Variants in RILPL1 observed in about 807,000 individuals in gnomAD.
RILPL1 encodes the protein RILP-like protein 1.
Under a neutral mutation model 50.3 loss-of-function variants are expected in RILPL1, and 33 were observed. That is an observed-to-expected ratio of 0.66 (90% confidence interval 0.50 to 0.88). The LOEUF is 0.88. Ranked by LOEUF, RILPL1 falls within the 40% of genes least tolerant of loss-of-function variation. The probability of loss-of-function intolerance (pLI) is 0.00; values close to 1 mark genes in which losing one functional copy is unlikely to be tolerated. For missense variants in RILPL1, 418 were observed against 542.5 expected, an observed-to-expected ratio of 0.77 and a Z score of 2.28; for synonymous variants, 205 against 228.6, an observed-to-expected ratio of 0.90 and a Z score of 0.93.
chr12:123,509,302 G>C (rs1241260584), intron 2 of RILPL1, among the ~76,000 whole-genome samples: 1 of 152,184 alleles, frequency 6.6e-6, no homozygotes, highest in South Asian at 2.1e-4. Flanking sequence ...GGTGGCTCAC[G>C]CCTACAACGC....
intron 2 of RILPL1, among the ~76,000 whole-genome samples, chr12:123,509,044 T>C (rs537477076): frequency 3.9e-5 from 6 of 151,932 alleles, no homozygotes; most frequent in Admixed American, 3.9e-4. Context: ...AAAAATGAGC[T>C]GGAAATCGCT....
intron 2 of RILPL1, among the ~76,000 whole-genome samples, chr12:123,502,075 C>T (rs1252279158): frequency 3.9e-5 from 5 of 127,246 alleles, no homozygotes; most frequent in Non-Finnish European, 6.4e-5. Flanking sequence ...AGTGAAACTT[C>T]GTCTCAAAAA....
Position 123,533,107 on chromosome 12 carries a change from A to G in RILPL1, c.309+67T>C, listed in dbSNP as rs1885498664. ...ACACGTGCGCACCCACAGCTGCCCAATGCGGAAGAGCCCTTGGGTCCCCGC... is the reference window on the plus strand; with the variant it reads ...ACACGTGCGCACCCACAGCTGCCCAGTGCGGAAGAGCCCTTGGGTCCCCGC... On this transcript the variant is annotated intron_variant, in intron 1 of 6. Transcript: ENST00000376874. This position sits in a 1 kb window ranked among gnomAD's most constrained non-coding sequence, Gnocchi z 6.2. 4.2e-6 allele frequency: 6 copies of G among 1,432,188 alleles called. No individual in the cohort carries two copies. The highest frequency in any genetic ancestry group is 5.6e-6 in the Non-Finnish European group (6 of 1,074,714). The allele number at this position is 1,432,188 out of a possible 1,614,324, so 88.7% of individuals were successfully genotyped here.
At chr12:123,472,935 G>T (rs916989258) in intron 6 of RILPL1, 2 of 440,518 alleles carry the variant, frequency 4.5e-6, no homozygotes, top group Non-Finnish European at 8.4e-6. Flanking sequence ...TGATGTGTGA[G>T]GTGTCTTCCA....
At chr12:123,505,892 C>T (rs1298008300) in intron 2 of RILPL1, among the ~76,000 whole-genome samples, 1 of 152,182 alleles carries the variant, frequency 6.6e-6, no homozygotes, top group African/African-American at 2.4e-5. Context: ...CCCGAAGGGC[C>T]CTGATGGCAG....
intron 4 of RILPL1, among the ~76,000 whole-genome samples, chr12:123,492,072 A>G (rs1320658887): frequency 1.3e-5 from 2 of 151,990 alleles, no homozygotes; most frequent in Non-Finnish European, 2.9e-5. Context: ...TCAGGAGTTC[A>G]AGACCAGCCT....
rs1883158466 is a variant in RILPL1, at chr12:123,498,261, G to C, written c.801+283C>G. 6.6e-6 allele frequency among the ~76,000 whole-genome samples: 1 copy of C among 151,532 alleles called. No homozygotes were observed. Among genetic ancestry groups the C allele is most frequent in the Non-Finnish European group, 1.5e-5 (1 of 67,930 alleles). On this transcript the variant is annotated intron_variant, in intron 4 of 6. Transcript: ENST00000376874. This position sits in a 1 kb window ranked among gnomAD's most constrained non-coding sequence, Gnocchi z 4.3. The stretch of plus-strand genomic sequence containing the variant: ...AGACAGGTCTGGCTCTGTTACCCAG[G>C]CTGCAGCGCAGTTGTGCAATCATGG...
rs755540421 is a variant in RILPL1 at position 123,523,694 on chromosome 12, C to G, written c.310-49G>C. 1.5e-5 allele frequency: 23 copies of G among 1,581,712 alleles called. No individual in the cohort carries two copies. The Admixed American group carries it at 3.6e-4, about 25-fold the overall frequency. ...GGGGTCACTGCCTGCCCAGAGCAGC[C>G]GCCCCACCCACTCCGACCCTCAGGG... is the stretch of plus-strand genomic sequence containing the variant. On this transcript the variant is annotated intron_variant, in intron 1 of 6. Transcript: ENST00000376874.
At chr12:123,525,502 C>A (rs2139388808) in intron 1 of RILPL1, among the ~76,000 whole-genome samples, 1 of 150,588 alleles carries the variant, frequency 6.6e-6, no homozygotes, top group South Asian at 2.1e-4. Context: ...GAGTTCGAGA[C>A]CAGCCTGACC....
intron 2 of RILPL1, chr12:123,513,322 G>A (rs755561609): frequency 5.3e-6 from 2 of 376,830 alleles, no homozygotes; most frequent in Non-Finnish European, 1.1e-5. Flanking sequence ...CACTTGTCCC[G>A]ACATGCCCTG....
At chr12:123,495,366 CTCTT>C (rs777280076) in intron 4 of RILPL1, among the ~76,000 whole-genome samples, 1 of 149,562 alleles carries the variant, frequency 6.7e-6, no homozygotes, top group Non-Finnish European at 1.5e-5. Flanking sequence ...CGTTTTTTCC[CTCTT>C]AAACATTTTT....
intron 4 of RILPL1, among the ~76,000 whole-genome samples, chr12:123,486,085 AG>A (rs1272114083): frequency 1.3e-5 from 2 of 152,104 alleles, no homozygotes; most frequent in Admixed American, 6.6e-5. Context: ...AAACATGACA[AG>A]GCATCCAGGG....
intron 1 of RILPL1, among the ~76,000 whole-genome samples, chr12:123,530,041 TGTA>T (rs1885393894): frequency 1.3e-5 from 2 of 152,044 alleles, no homozygotes; most frequent in Admixed American, 6.6e-5. Flanking sequence ...ATTTCAAAGA[TGTA>T]GTAGGAAAAA....
Position 123,498,823 on chromosome 12 carries a change from C to T in RILPL1, c.580-58G>A, listed in dbSNP as rs1357812164. ...GCCACCTGCGGTAGCTCAGGTTGTACACTGCACAACGGCAAACCATCCATA... is the reference window on the plus strand; with the variant it reads ...GCCACCTGCGGTAGCTCAGGTTGTATACTGCACAACGGCAAACCATCCATA... On this transcript the variant is annotated intron_variant, in intron 3 of 6. Transcript: ENST00000376874. The surrounding 1 kb of genome is among the most constrained non-coding windows in gnomAD (Gnocchi z 4.3). 1.3e-6 allele frequency: 2 copies of T among 1,510,810 alleles called. No homozygotes were observed. Among genetic ancestry groups the T allele is most frequent in the Admixed American group, 3.3e-5 (2 of 59,704 alleles). 93.6% of individuals were successfully genotyped at this position (1,510,810 alleles called of 1,614,324 possible). A position where few individuals can be genotyped will look rare whatever the true frequency, so the allele number is the denominator to read the frequency against.
chr12:123,474,724 C>G (rs1881475846), intron 6 of RILPL1: 1 of 152,176 alleles, frequency 6.6e-6, no homozygotes, highest in Non-Finnish European at 1.5e-5. Flanking sequence ...TAAGAGATAT[C>G]ATATAATAGC....
chr12:123,493,396 T>G (rs1247932733), intron 4 of RILPL1, among the ~76,000 whole-genome samples: 1 of 152,194 alleles, frequency 6.6e-6, no homozygotes, highest in Non-Finnish European at 1.5e-5. Flanking sequence ...CCACGAATGA[T>G]CAATAAATAC....
chr12:123,507,941 CAAAAAAAAAAAGAAAAA>C (rs1318243519), intron 2 of RILPL1, among the ~76,000 whole-genome samples: 37 of 45,648 alleles, frequency 8.1e-4, no homozygotes, highest in African/African-American at 2.3e-3. Context: ...AACTCCATCT[CAAAAAAAAAAAGAAAAA>C]AAAAAAAAAA....
intron 4 of RILPL1, among the ~76,000 whole-genome samples, chr12:123,487,947 T>C (rs1180172245): frequency 6.6e-6 from 1 of 152,176 alleles, no homozygotes; most frequent in Non-Finnish European, 1.5e-5. Flanking sequence ...CTTTTTTTTC[T>C]TAATCACAAG....
At position 123,470,791 on chromosome 12, in the gene RILPL1, A is replaced by G. The variant is rs1213069614; in HGVS notation, c.*1747T>C. 2 of 152,040 alleles carry G rather than the reference A, an allele frequency of 1.3e-5. No homozygotes were observed. Among genetic ancestry groups the G allele is most frequent in the African/African-American group, 4.8e-5 (2 of 41,372 alleles). The allele number at this position is 152,040 out of a possible 1,614,324, so 9.4% of individuals were successfully genotyped here. On this transcript the variant is annotated 3_prime_UTR_variant, in exon 7 of 7. Coordinates refer to ENST00000376874, the MANE Select transcript of RILPL1 (RefSeq NM_178314.5). Reference sequence around the variant, plus strand: ...AGAGCAAGACTATCTCAAAAAAAAGAGAGACATTTAGTGTTTAGGAAAGAT... The same window carrying G: ...AGAGCAAGACTATCTCAAAAAAAAGGGAGACATTTAGTGTTTAGGAAAGAT...
Sources: allele counts gnomAD v4.1 joint callset (sites outside exome capture counted in the v4.1 genomes callset), GRCh38; gene constraint gnomAD v4.1.1; non-coding constraint Gnocchi (gnomAD v3.1); transcripts MANE v1.5; gene names NCBI Gene and HGNC (gene_info 2026-07-23, HGNC 2026-07-21).